The following TBC1D19 variants were observed in gnomAD, a reference collection of about 807,000 sequenced individuals.
TBC1D19 encodes TBC1 domain family member 19.
Under a neutral mutation model 89.0 loss-of-function variants are expected in TBC1D19, and 60 were observed. The ratio of observed to expected loss-of-function variants is 0.67; its 90% CI spans 0.55 to 0.84. The LOEUF is 0.84. Among genes scored for constraint, TBC1D19 ranks in the 40% least tolerant of loss-of-function variants. The probability of loss-of-function intolerance (pLI) is 0.00; values close to 1 mark genes in which losing one functional copy is unlikely to be tolerated. For synonymous variants in TBC1D19, 189 were observed against 199.7 expected, an observed-to-expected ratio of 0.95 and a Z score of 0.45; for missense variants, 500 against 610.8, an observed-to-expected ratio of 0.82 and a Z score of 1.91.
chr4:26,842,588 CTTTCTTTCTTTCTTT>C, the TBC1D19 span, among the ~76,000 whole-genome samples: 536 of 104,784 alleles, frequency 5.1e-3, 15 homozygotes, highest in African/African-American at 0.013. Context: ...CCCTCCCTTT[CTTTCTTTCTTTCTTT>C]CTTTCTTTCT....
intron 1 of TBC1D19, among the ~76,000 whole-genome samples, chr4:26,610,527 T>G (rs536561276): frequency 2.0e-4 from 31 of 152,076 alleles, no homozygotes; most frequent in Non-Finnish European, 4.3e-4. Flanking sequence ...CACGGGGGTT[T>G]GGTGTACAGA....
At chr4:26,605,268 T>G (rs1215196283) in intron 1 of TBC1D19, among the ~76,000 whole-genome samples, 1 of 144,174 alleles carries the variant, frequency 6.9e-6, no homozygotes, top group Non-Finnish European at 1.5e-5. Context: ...GTGTTCTCAT[T>G]GTTCAATTCC....
rs34004440 is a variant in TBC1D19, at chr4:26,602,435, CTTTTTTTT to C, written c.100-10717_100-10710del. ...AACTGATACCAAACCCTATTGTATT[CTTTTTTTT>C]TTTTTTTTTTTTTTTTGAGACGGAG... On this transcript the variant is annotated intron_variant, in intron 1 of 20. Transcript: ENST00000264866. Among the ~76,000 whole-genome samples, 17 of 73,062 alleles carry C rather than the reference CTTTTTTTT, an allele frequency of 2.3e-4. 1 individual carries two copies. The South Asian group carries it at 5.6e-3, about 24-fold the overall frequency. 47.9% of individuals were successfully genotyped at this position (73,062 alleles called of 152,430 possible). A position where few individuals can be genotyped will look rare whatever the true frequency, so the allele number is the denominator to read the frequency against.
the TBC1D19 span, among the ~76,000 whole-genome samples, chr4:26,795,814 T>C: frequency 6.6e-6 from 1 of 152,136 alleles, no homozygotes; most frequent in African/African-American, 2.4e-5. Context: ...AATAGGTAAA[T>C]TTTTAATATA....
chr4:26,592,605 A>C (rs977063436), intron 1 of TBC1D19, among the ~76,000 whole-genome samples: 1 of 152,060 alleles, frequency 6.6e-6, no homozygotes, highest in African/African-American at 2.4e-5. Flanking sequence ...TCTCAGCCCA[A>C]AATCTCCTTA....
chr4:26,610,901 A>G (rs958763919), intron 1 of TBC1D19, among the ~76,000 whole-genome samples: 7 of 152,280 alleles, frequency 4.6e-5, no homozygotes, highest in East Asian at 1.9e-4. Flanking sequence ...TAGTGCTGCA[A>G]TGAACATAGG....
At chr4:26,671,933 AT>A (rs1417180982) in intron 9 of TBC1D19, among the ~76,000 whole-genome samples, 4 of 151,730 alleles carry the variant, frequency 2.6e-5, no homozygotes, top group African/African-American at 9.7e-5. Flanking sequence ...TCATTCATCA[AT>A]TTTTTTGTTT....
intron 11 of TBC1D19, among the ~76,000 whole-genome samples, chr4:26,682,441 A>T (rs550267389): frequency 4.2e-4 from 64 of 152,340 alleles, no homozygotes; most frequent in African/African-American, 1.5e-3. Context: ...ATCTTTTGCA[A>T]TGAAGAAATC....
the TBC1D19 span, among the ~76,000 whole-genome samples, chr4:26,808,945 A>G: frequency 6.6e-6 from 1 of 152,180 alleles, no homozygotes; most frequent in African/African-American, 2.4e-5. Context: ...GAATCCAAAG[A>G]TAAGATTTGA....
At chr4:26,747,081 A>T (rs1465525629) in intron 18 of TBC1D19, among the ~76,000 whole-genome samples, 1 of 152,216 alleles carries the variant, frequency 6.6e-6, no homozygotes, top group East Asian at 1.9e-4. Context: ...ATATTTTTGG[A>T]CTGTTGGTGA....
the TBC1D19 span, among the ~76,000 whole-genome samples, chr4:26,819,916 C>G: frequency 6.6e-6 from 1 of 152,228 alleles, no homozygotes; most frequent in Non-Finnish European, 1.5e-5. Context: ...GCTCGTCCCT[C>G]AGATATCAAC....
intron 9 of TBC1D19, 42 bp from the exon 10 acceptor site, chr4:26,672,107 C>G (rs753934655): frequency 3.5e-6 from 3 of 869,556 alleles, no homozygotes; most frequent in Admixed American, 5.9e-5. Context: ...TGTGATTGCT[C>G]ATACTCATGT....
chr4:26,712,432 G>C (rs546938357), intron 13 of TBC1D19, among the ~76,000 whole-genome samples: 1 of 152,006 alleles, frequency 6.6e-6, no homozygotes, highest in Non-Finnish European at 1.5e-5. Flanking sequence ...CCAGCAGAGA[G>C]CATCATCACA....
chr4:26,664,699 C>T (rs778376095), intron 8 of TBC1D19, among the ~76,000 whole-genome samples: 15 of 150,286 alleles, frequency 1.0e-4, no homozygotes, highest in Admixed American at 2.0e-4. Context: ...TGGGAGGGGA[C>T]GCAAAGGGGA....
chr4:26,655,486 C>T (rs1438120131), intron 7 of TBC1D19, among the ~76,000 whole-genome samples: 1 of 152,234 alleles, frequency 6.6e-6, no homozygotes, highest in Non-Finnish European at 1.5e-5. Context: ...TCTAGAGAGG[C>T]AAGCAGGCCT....
the TBC1D19 span, among the ~76,000 whole-genome samples, chr4:26,824,682 T>C: frequency 6.6e-6 from 1 of 152,000 alleles, no homozygotes; most frequent in African/African-American, 2.4e-5. Flanking sequence ...TTTCTTTCTT[T>C]CTTTTTTTTT....
intron 15 of TBC1D19, among the ~76,000 whole-genome samples, chr4:26,734,991 T>TAC (rs1717914491): frequency 2.4e-5 from 3 of 124,722 alleles, no homozygotes; most frequent in African/African-American, 8.3e-5. Context: ...TGTATATGTA[T>TAC]ATATGTATAC....
upstream of TBC1D19, among the ~76,000 whole-genome samples, chr4:26,583,257 G>C (rs1269773275): frequency 1.3e-5 from 2 of 152,136 alleles, no homozygotes; most frequent in Non-Finnish European, 2.9e-5. Flanking sequence ...AATAATTTAA[G>C]TCAGTTACTT....
At chr4:26,744,844 C>T (rs770936531) in intron 18 of TBC1D19, among the ~76,000 whole-genome samples, 2 of 151,992 alleles carry the variant, frequency 1.3e-5, no homozygotes, top group African/African-American at 2.4e-5. Flanking sequence ...CTGCAAGTAT[C>T]GGGCAGAATG....
Sources: allele counts gnomAD v4.1 joint callset (sites outside exome capture counted in the v4.1 genomes callset), GRCh38; gene constraint gnomAD v4.1.1; transcripts MANE v1.5; gene names NCBI Gene and HGNC (gene_info 2026-07-23, HGNC 2026-07-21).